The following DHX29 variants were observed in gnomAD, a reference collection of about 807,000 sequenced individuals.
DHX29 encodes DExH-box helicase 29.
DHX29 carries 79 observed loss-of-function variants against 167.9 expected under a neutral mutation model. The ratio of observed to expected loss-of-function variants is 0.47; its 90% CI spans 0.39 to 0.57. DHX29 has a LOEUF of 0.57. DHX29 is among the 20% of genes least tolerant of loss of function. The probability of loss-of-function intolerance (pLI) is 0.00; values close to 1 mark genes in which losing one functional copy is unlikely to be tolerated. For synonymous variants in DHX29, 530 were observed against 546.0 expected (o/e 0.97, Z 0.41); for missense variants, 1,347 against 1,593.4 (o/e 0.85, Z 2.63).
At chr5:55,285,181 T>C in intron 10 of DHX29, 112 bp downstream of exon 10, 1 of 1,458,174 alleles carries the variant, frequency 6.9e-7, no homozygotes, top group South Asian at 1.5e-5. Context: ...GAAGCCAAAT[T>C]AGGAATAATG....
intron 16 of DHX29, among the ~76,000 whole-genome samples, chr5:55,273,580 G>A (rs1746955246): frequency 6.6e-6 from 1 of 152,086 alleles, no homozygotes; most frequent in African/African-American, 2.4e-5. Context: ...ATGCGAATAG[G>A]ATTAAATTTT....
chr5:55,263,568 A>C (rs1034701237), intron 23 of DHX29, among the ~76,000 whole-genome samples: 3 of 151,816 alleles, frequency 2.0e-5, no homozygotes, highest in Non-Finnish European at 4.4e-5. Flanking sequence ...GGCTTAAGGG[A>C]CTTTGATTCT....
chr5:55,277,416 G>C, intron 12 of DHX29, 134 bp from the exon 13 acceptor site: 1 of 522,264 alleles, frequency 1.9e-6, no homozygotes, highest in Non-Finnish European at 3.3e-6. Flanking sequence ...TGCGGGGAGG[G>C]AGAAGCTGTA....
intron 10 of DHX29, among the ~76,000 whole-genome samples, chr5:55,285,002 A>C (rs907835251): frequency 1.2e-4 from 19 of 152,202 alleles, no homozygotes; most frequent in African/African-American, 4.6e-4. Flanking sequence ...CCTGGGCAAC[A>C]TAACAAGATG....
At chr5:55,258,113 G>C (rs1473351400) in intron 26 of DHX29, among the ~76,000 whole-genome samples, 2 of 152,304 alleles carry the variant, frequency 1.3e-5, no homozygotes, top group Non-Finnish European at 2.9e-5. Context: ...GGGATACTTT[G>C]TTCAGTACAA....
At position 55,294,136 on chromosome 5, in the gene DHX29, CCTT is replaced by C; in HGVS notation, c.658_660del (p.Lys220del). 6.3e-7 allele frequency: 1 copy of C among 1,587,784 alleles called. No homozygotes were observed. The highest frequency in any genetic ancestry group is 8.5e-7 in the Non-Finnish European group (1 of 1,171,450). On this transcript the variant is annotated inframe_deletion, in exon 6 of 27. Transcript: ENST00000251636. ...ATATTTACTTCCATATTTTTTTCTT[CCTT>C]TTTTGGCTAGAAAGAGAAAACAAAT...
intron 6 of DHX29, among the ~76,000 whole-genome samples, chr5:55,292,796 CT>C (rs1313486819): frequency 9.2e-5 from 14 of 152,178 alleles, no homozygotes; most frequent in African/African-American, 3.4e-4. Context: ...TGTGGACCAT[CT>C]TCCCATCTTT....
intron 1 of DHX29, 38 bp downstream of exon 1, chr5:55,307,349 T>A: frequency 6.3e-7 from 1 of 1,580,656 alleles, no homozygotes; most frequent in Non-Finnish European, 8.6e-7. Flanking sequence ...CAGCAAGGTC[T>A]CAGGGCAGAC....
chr5:55,283,726 T>C lies in DHX29; in HGVS notation c.1442A>G (p.Lys481Arg). ...ATCACGTGGTTTATTGGTTTCCATT[T>C]TATTTAATTCTTCCCTTTTCTTTTC... is the stretch of plus-strand genomic sequence containing the variant. ...DAEKKREELN[K>R]METNKPRDLF... Residue 481 changes from lysine (K) to arginine (R), a missense_variant, in exon 11 of 27, where the codon AAA (lysine) becomes AGA (arginine). Lys to Arg is a conservative substitution (Grantham distance 26, BLOSUM62 2). Coordinates refer to ENST00000251636, the MANE Select transcript of DHX29 (RefSeq NM_019030.4). 2 of 1,613,984 alleles carry C rather than the reference T, an allele frequency of 1.2e-6. No individual in the cohort carries two copies. The highest frequency in any genetic ancestry group is 1.7e-6 in the Non-Finnish European group (2 of 1,180,000).
intron 23 of DHX29, among the ~76,000 whole-genome samples, chr5:55,265,988 A>G (rs1372542275): frequency 4.0e-5 from 6 of 151,100 alleles, no homozygotes; most frequent in African/African-American, 1.5e-4. Context: ...TCTCCTTTCA[A>G]CTTTTTTTTT....
chr5:55,295,355 T>G, intron 5 of DHX29, 24 bp downstream of exon 5: 1 of 1,570,336 alleles, frequency 6.4e-7, no homozygotes, highest in Non-Finnish European at 8.8e-7. Flanking sequence ...TTATACAACT[T>G]TAAATGCTTA....
intron 26 of DHX29, among the ~76,000 whole-genome samples, chr5:55,258,108 A>G (rs1372999245): frequency 6.6e-6 from 1 of 152,224 alleles, no homozygotes; most frequent in African/African-American, 2.4e-5. Flanking sequence ...AACTGGGGAT[A>G]CTTTGTTCAG....
rs1374625969 is a variant in DHX29, at chr5:55,307,310, G to A, written c.187+77C>T. On this transcript the variant is annotated intron_variant, in intron 1 of 26. Transcript: ENST00000251636. ...AAATGTTGGGCCCGAAGCTCCTCCCGGGTTCTAAGGCCCTTTCCTCAGGAC... is the reference window on the plus strand; with the variant it reads ...AAATGTTGGGCCCGAAGCTCCTCCCAGGTTCTAAGGCCCTTTCCTCAGGAC... 3.9e-6 allele frequency: 5 copies of A among 1,282,072 alleles called. No homozygotes were observed. The Admixed American group carries it at 7.0e-5, about 18-fold the overall frequency. 79.4% of individuals were successfully genotyped at this position (1,282,072 alleles called of 1,614,324 possible). A position where few individuals can be genotyped will look rare whatever the true frequency, so the allele number is the denominator to read the frequency against.
chr5:55,276,575 G>A (rs1295949798), intron 13 of DHX29, among the ~76,000 whole-genome samples, 169 bp from the exon 14 acceptor site: 2 of 152,128 alleles, frequency 1.3e-5, no homozygotes, highest in Non-Finnish European at 2.9e-5. Flanking sequence ...TTGACATAGA[G>A]GGATTGCCTC....
At chr5:55,290,400 TA>T in intron 6 of DHX29, 56 bp from the exon 7 acceptor site, 11 of 1,532,446 alleles carry the variant, frequency 7.2e-6, no homozygotes, top group Non-Finnish European at 8.7e-6. Context: ...AAGATTAGTT[TA>T]TCTATGGTCA....
At chr5:55,307,018 TG>T (rs1415153430) in intron 1 of DHX29, among the ~76,000 whole-genome samples, 17 of 152,312 alleles carry the variant, frequency 1.1e-4, no homozygotes, top group African/African-American at 4.1e-4. Flanking sequence ...TGGGGCTGGC[TG>T]GCACCAGGAG....
Position 55,259,863 on chromosome 5 carries a change from T to G in DHX29, c.4042A>C (p.Lys1348Gln). The part of the protein sequence containing the change: ...SVLRKKLENP[K>Q]MSLENDKILQ... ...AAACACTTACTTTCAAGGGACATCT[T>G]TGGATTTTCAAGCTTTTTTCTTAAA... The change falls in exon 26 of 27, where the codon AAG becomes CAG. Residue 1348 changes from lysine to glutamine, a missense_variant. This residue lies in a region of DHX29 where 882 missense variants were observed against 1,082.4 expected (regional missense o/e 0.81). Coordinates refer to ENST00000251636, the MANE Select transcript of DHX29 (RefSeq NM_019030.4). The G allele has an allele frequency of 6.3e-7, 1 of 1,598,054 alleles. No individual in the cohort carries two copies. The highest frequency in any genetic ancestry group is 1.1e-5 in the South Asian group (1 of 90,640).
intron 9 of DHX29, 132 bp from the exon 10 acceptor site, chr5:55,285,548 A>T: frequency 8.1e-7 from 1 of 1,230,354 alleles, no homozygotes; most frequent in Non-Finnish European, 1.1e-6. Flanking sequence ...TTATTAGATA[A>T]TGATAATCTA....
intron 17 of DHX29, among the ~76,000 whole-genome samples, chr5:55,273,089 A>T (rs564115588): frequency 3.0e-4 from 45 of 152,342 alleles, no homozygotes; most frequent in Admixed American, 1.8e-3. Context: ...TTCTCCCTTA[A>T]ATAGCACATA....
Sources: gnomAD v4.1 joint callset for allele counts (sites outside exome capture counted in the v4.1 genomes callset) on GRCh38, gnomAD v4.1.1 for gene constraint, gnomAD v4.1.1 regional missense constraint, MANE v1.5 for transcripts, NCBI Gene and HGNC (gene_info 2026-07-23, HGNC 2026-07-21) for gene names.